PIK3R3: variants seen among roughly 807,000 people sequenced by gnomAD.
PIK3R3 encodes the protein phosphatidylinositol 3-kinase regulatory subunit gamma.
In PIK3R3, 64 loss-of-function variants were observed where a neutral mutation model predicts 62.9. The observed-to-expected ratio is 1.02, with a 90% CI of 0.83 to 1.25. The LOEUF is 1.25. Among genes scored for constraint, PIK3R3 ranks in the 50% most tolerant of loss-of-function variants. The probability of loss-of-function intolerance (pLI) is 0.00; values close to 1 mark genes in which losing one functional copy is unlikely to be tolerated. For missense variants in PIK3R3, 614 were observed against 561.6 expected (o/e 1.09, Z -0.94); for synonymous variants, 165 against 189.0 (o/e 0.87, Z 1.04).
intron 1 of PIK3R3, among the ~76,000 whole-genome samples, chr1:46,088,075 A>G (rs995453792): frequency 3.9e-5 from 6 of 152,208 alleles, no homozygotes; most frequent in Admixed American, 2.6e-4. Flanking sequence ...ATGCCACAGA[A>G]TTTAAACATT....
At chr1:46,058,358 C>T (rs936063336) in intron 6 of PIK3R3, among the ~76,000 whole-genome samples, 6 of 152,258 alleles carry the variant, frequency 3.9e-5, no homozygotes, top group Non-Finnish European at 8.8e-5. Flanking sequence ...AGAGTTCCTA[C>T]TGGGGCACCG....
the PIK3R3 span, among the ~76,000 whole-genome samples, chr1:46,165,751 CTTTTTTTTTTTTTTTTTTTTTTTTTTTT>C: frequency 7.6e-5 from 3 of 39,540 alleles, no homozygotes; most frequent in Admixed American, 4.3e-4. Flanking sequence ...CTGCTTTGTC[CTTTTTTTTTTTTTTTTTTTTTTTTTTTT>C]TTTTTTTTTT....
Position 46,077,667 on chromosome 1 carries a change from G to C in PIK3R3, c.216-54C>G, listed in dbSNP as rs1650194670. The C allele has an allele frequency of 4.6e-6, 5 of 1,085,382 alleles. No individual in the cohort carries two copies. In the East Asian group the frequency reaches 1.2e-4, roughly 26 times the overall value. The allele number at this position is 1,085,382 out of a possible 1,614,324, so 67.2% of individuals were successfully genotyped here. On this transcript the variant is annotated intron_variant, in intron 2 of 9. Transcript: ENST00000262741. ...AAAAATGTCAACACTGGTGGCTTCG[G>C]CAGTAGGTGTGCCTTCTTTACATGT...
chr1:46,149,545 G>GTTTTT, the PIK3R3 span, among the ~76,000 whole-genome samples: 1 of 148,850 alleles, frequency 6.7e-6, no homozygotes, highest in East Asian at 2.0e-4. Context: ...TTTTGTTTTT[G>GTTTTT]TTTCTGTTTG....
chr1:46,100,472 T>C (rs1652555111), intron 1 of PIK3R3, among the ~76,000 whole-genome samples: 1 of 152,214 alleles, frequency 6.6e-6, no homozygotes, highest in Admixed American at 6.5e-5. Context: ...TCTGGGCTCT[T>C]TATTCTTCCC....
Position 46,061,975 on chromosome 1 carries a change from A to G in PIK3R3, c.718T>C (p.Tyr240His). ...CHTQEQHSKE[Y>H]IERFRREGNE... The stretch of plus-strand genomic sequence containing the variant: ...CCCTCTCTGCGAAATCGCTCAATAT[A>G]TTCTTTGCTATGTTGTTCTTGTGTG... Residue 240 changes from tyrosine to histidine, a missense_variant, in exon 6 of 10, where the codon TAT becomes CAT. Coordinates refer to ENST00000262741, the MANE Select transcript of PIK3R3 (RefSeq NM_003629.4). 2 of 1,613,354 alleles carry G rather than the reference A, an allele frequency of 1.2e-6. No individual in the cohort carries two copies. Among genetic ancestry groups the G allele is most frequent in the Non-Finnish European group, 8.5e-7 (1 of 1,179,402 alleles).
At chr1:46,147,787 C>T in the PIK3R3 span, among the ~76,000 whole-genome samples, 1 of 152,246 alleles carries the variant, frequency 6.6e-6, no homozygotes, top group Middle Eastern at 3.4e-3. Context: ...CTAATGAAAA[C>T]AACAGATTTT....
At chr1:46,152,282 C>T in the PIK3R3 span, among the ~76,000 whole-genome samples, 1 of 152,162 alleles carries the variant, frequency 6.6e-6, no homozygotes, top group African/African-American at 2.4e-5. Context: ...TTCTCCATAT[C>T]GGGTATCTAC....
intron 3 of PIK3R3, among the ~76,000 whole-genome samples, chr1:46,075,112 G>A (rs1001152543): frequency 7.9e-5 from 12 of 152,114 alleles, no homozygotes; most frequent in African/African-American, 2.9e-4. Flanking sequence ...TCAAATACAG[G>A]GTTGCCAAGT....
chr1:46,170,042 G>A, the PIK3R3 span, among the ~76,000 whole-genome samples: 17 of 152,038 alleles, frequency 1.1e-4, no homozygotes, highest in African/African-American at 1.7e-4. Flanking sequence ...GAGTGGCTTC[G>A]GTGTGCATCA....
upstream of PIK3R3, among the ~76,000 whole-genome samples, chr1:46,135,722 A>G (rs560638238): frequency 5.9e-5 from 9 of 152,298 alleles, no homozygotes; most frequent in East Asian, 1.5e-3. Flanking sequence ...TGAGCGCACA[A>G]TATTTTTTTA....
intron 1 of PIK3R3, among the ~76,000 whole-genome samples, chr1:46,082,890 C>A (rs1354498039): frequency 2.0e-5 from 3 of 151,946 alleles, no homozygotes; most frequent in Admixed American, 6.6e-5. Flanking sequence ...ACCAGCCTGG[C>A]CAACATGATT....
At chr1:46,076,437 GAA>G (rs1299430291) in intron 3 of PIK3R3, among the ~76,000 whole-genome samples, 3 of 152,232 alleles carry the variant, frequency 2.0e-5, no homozygotes, top group African/African-American at 7.2e-5. Flanking sequence ...GGTAAGAAGA[GAA>G]AAGTGTTTAG....
chr1:46,094,364 AG>A (rs1651920092), intron 1 of PIK3R3, among the ~76,000 whole-genome samples: 1 of 152,256 alleles, frequency 6.6e-6, no homozygotes, highest in Admixed American at 6.5e-5. Flanking sequence ...TCTTAGATGC[AG>A]AATAATGCTT....
chr1:46,079,305 A>C (rs916070042), intron 2 of PIK3R3, among the ~76,000 whole-genome samples: 1 of 152,212 alleles, frequency 6.6e-6, no homozygotes, highest in African/African-American at 2.4e-5. Flanking sequence ...TACAATATTC[A>C]AATTAAATGT....
At chr1:46,071,867 GC>G (rs989365104) in intron 3 of PIK3R3, among the ~76,000 whole-genome samples, 3 of 150,148 alleles carry the variant, frequency 2.0e-5, no homozygotes, top group Non-Finnish European at 3.0e-5. Context: ...GGAATTCAAG[GC>G]CCTCTTAAAC....
At chr1:46,174,576 C>A in the PIK3R3 span, among the ~76,000 whole-genome samples, 1 of 152,162 alleles carries the variant, frequency 6.6e-6, no homozygotes, top group Non-Finnish European at 1.5e-5. Context: ...GCAGCCAGAT[C>A]TCGGACCGGT....
intron 2 of PIK3R3, among the ~76,000 whole-genome samples, chr1:46,077,817 A>C (rs747300707): frequency 5.9e-5 from 9 of 152,210 alleles, no homozygotes; most frequent in Non-Finnish European, 1.2e-4. Context: ...GGTGTTACGC[A>C]ATCTACAGAA....
chr1:46,065,171 T>A (rs1023956843), intron 5 of PIK3R3, among the ~76,000 whole-genome samples: 1 of 152,212 alleles, frequency 6.6e-6, no homozygotes, highest in African/African-American at 2.4e-5. Context: ...AAGGTAAACT[T>A]CTCTGAAGAT....
Sources: allele counts gnomAD v4.1 joint callset (sites outside exome capture counted in the v4.1 genomes callset), GRCh38; gene constraint gnomAD v4.1.1; transcripts MANE v1.5; gene names NCBI Gene and HGNC (gene_info 2026-07-23, HGNC 2026-07-21).